The following ARHGAP24 variants were observed in gnomAD, a reference collection of about 807,000 sequenced individuals.
ARHGAP24 encodes rho GTPase-activating protein 24.
ARHGAP24 carries 50 observed loss-of-function variants against 76.4 expected under a neutral mutation model. The observed-to-expected ratio is 0.65, with a 90% CI of 0.52 to 0.83. The LOEUF (loss-of-function observed/expected upper bound fraction) is 0.83, where lower values mean the gene tolerates loss of function less well. ARHGAP24 is among the 40% of genes least tolerant of loss of function. The pLI is 0.00. For missense variants in ARHGAP24, 930 were observed against 914.2 expected (o/e 1.02, Z -0.22); for synonymous variants, 345 against 323.3 (o/e 1.07, Z -0.72).
At chr4:85,871,682 G>A (rs1316541707) in intron 3 of ARHGAP24, among the ~76,000 whole-genome samples, 1 of 152,102 alleles carries the variant, frequency 6.6e-6, no homozygotes, top group Non-Finnish European at 1.5e-5. Context: ...TGGCCTAAAT[G>A]TATGACCACA....
intron 2 of ARHGAP24, among the ~76,000 whole-genome samples, chr4:85,664,619 G>A (rs1423941311): frequency 6.7e-6 from 1 of 149,950 alleles, no homozygotes; most frequent in African/African-American, 2.5e-5. Flanking sequence ...TGTCAATTTT[G>A]GATCTTTCCT....
chr4:85,759,580 C>G (rs868560196), intron 3 of ARHGAP24, among the ~76,000 whole-genome samples: 1 of 152,046 alleles, frequency 6.6e-6, no homozygotes, highest in Non-Finnish European at 1.5e-5. Flanking sequence ...GTATCCACAC[C>G]GAGTCACATG....
intron 6 of ARHGAP24, among the ~76,000 whole-genome samples, chr4:85,972,978 G>T (rs74910966): frequency 0.03 from 4,610 of 151,984 alleles, 265 homozygotes; most frequent in African/African-American, 0.11. Context: ...GACCTTTGGG[G>T]TTTTTTTCAT....
At chr4:85,549,117 C>T (rs1265028131) in intron 1 of ARHGAP24, among the ~76,000 whole-genome samples, 1 of 151,246 alleles carries the variant, frequency 6.6e-6, no homozygotes, top group Non-Finnish European at 1.5e-5. Flanking sequence ...CTACAATGAA[C>T]ATTTTTGTGT....
intron 3 of ARHGAP24, among the ~76,000 whole-genome samples, chr4:85,866,160 T>C (rs930885759): frequency 6.6e-6 from 1 of 152,088 alleles, no homozygotes; most frequent in African/African-American, 2.4e-5. Flanking sequence ...TACATTTAAG[T>C]ATATAGTGTT....
intron 2 of ARHGAP24, among the ~76,000 whole-genome samples, chr4:85,642,616 T>G (rs1348060711): frequency 6.6e-6 from 1 of 152,142 alleles, no homozygotes; most frequent in East Asian, 1.9e-4. Flanking sequence ...AATAAAAACC[T>G]TGCAGGCTCC....
chr4:85,486,049 A>G (rs1723039463), intron 1 of ARHGAP24, among the ~76,000 whole-genome samples: 1 of 152,120 alleles, frequency 6.6e-6, no homozygotes, highest in Admixed American at 6.6e-5. Flanking sequence ...AATAATTTTG[A>G]TAAGACTGTG....
rs1045799382 is a variant in ARHGAP24, at chr4:85,677,814, T to G, written c.181-44071T>G. ...TTCTCACTAATTTTAATGTGCTAATTAATTTACTAGTTTATCAAGTTTTTA... is the reference window on the plus strand; with the variant it reads ...TTCTCACTAATTTTAATGTGCTAATGAATTTACTAGTTTATCAAGTTTTTA... On this transcript the variant is annotated intron_variant, in intron 2 of 9. Transcript: ENST00000395184. Among the ~76,000 whole-genome samples, 3 of 152,220 alleles carry G rather than the reference T, an allele frequency of 2.0e-5. No individual in the cohort carries two copies. The South Asian group carries it at 6.2e-4, about 32-fold the overall frequency.
At chr4:85,621,885 C>A (rs1231776081) in intron 2 of ARHGAP24, among the ~76,000 whole-genome samples, 1 of 151,960 alleles carries the variant, frequency 6.6e-6, no homozygotes, top group East Asian at 1.9e-4. Context: ...TTTAAGGATT[C>A]TTATAATTTT....
chr4:85,724,401 C>T (rs1725077350), intron 3 of ARHGAP24, among the ~76,000 whole-genome samples: 1 of 151,632 alleles, frequency 6.6e-6, no homozygotes, highest in Admixed American at 6.6e-5. Context: ...TATATTTTAG[C>T]ACTATATGCA....
intron 9 of ARHGAP24, among the ~76,000 whole-genome samples, chr4:85,998,224 C>T (rs1329056449): frequency 1.3e-5 from 2 of 152,010 alleles, no homozygotes; most frequent in African/African-American, 2.4e-5. Context: ...ATAATTTTGT[C>T]ATATTTTATA....
intron 3 of ARHGAP24, among the ~76,000 whole-genome samples, chr4:85,851,897 C>T (rs557065852): frequency 3.2e-4 from 49 of 152,248 alleles, no homozygotes; most frequent in African/African-American, 1.1e-3. Flanking sequence ...TCCTTCATTT[C>T]AACCTTGGTG....
chr4:85,918,473 T>C (rs548360136), intron 3 of ARHGAP24, among the ~76,000 whole-genome samples: 54 of 152,096 alleles, frequency 3.6e-4, no homozygotes, highest in Middle Eastern at 3.5e-3. Context: ...TTTGAAATTA[T>C]TATTTTGTAA....
At chr4:85,977,975 A>G (rs1017670612) in intron 8 of ARHGAP24, among the ~76,000 whole-genome samples, 3 of 152,262 alleles carry the variant, frequency 2.0e-5, no homozygotes, top group Non-Finnish European at 4.4e-5. Flanking sequence ...ACTGAAAAAA[A>G]CTACCTCACT....
chr4:85,555,344 T>C (rs1726315018), intron 1 of ARHGAP24, among the ~76,000 whole-genome samples: 1 of 152,232 alleles, frequency 6.6e-6, no homozygotes, highest in Admixed American at 6.5e-5. Flanking sequence ...GGTTGAGGCT[T>C]TGTGCAGGAA....
At chr4:85,805,526 T>A (rs527364712) in intron 3 of ARHGAP24, among the ~76,000 whole-genome samples, 4 of 152,300 alleles carry the variant, frequency 2.6e-5, no homozygotes, top group Admixed American at 1.3e-4. Context: ...GAAAGAAAGA[T>A]GTAAAATTTT....
intron 9 of ARHGAP24, among the ~76,000 whole-genome samples, chr4:85,999,267 C>T (rs1332933322): frequency 6.6e-6 from 1 of 152,122 alleles, no homozygotes; most frequent in Non-Finnish European, 1.5e-5. Context: ...TGAGTGGAAA[C>T]CAGCATAGTA....
intron 3 of ARHGAP24, among the ~76,000 whole-genome samples, chr4:85,788,430 A>G (rs1351967324): frequency 6.6e-6 from 1 of 152,212 alleles, no homozygotes; most frequent in Non-Finnish European, 1.5e-5. Flanking sequence ...ATAATGGTTT[A>G]TAATCTTATC....
At chr4:85,541,848 C>T (rs1359540322) in intron 1 of ARHGAP24, among the ~76,000 whole-genome samples, 1 of 152,104 alleles carries the variant, frequency 6.6e-6, no homozygotes, top group African/African-American at 2.4e-5. Flanking sequence ...TGAGTTGGAC[C>T]TCAAACAATG....
Sources: allele counts gnomAD v4.1 joint callset (sites outside exome capture counted in the v4.1 genomes callset), GRCh38; gene constraint gnomAD v4.1.1; transcripts MANE v1.5; gene names NCBI Gene and HGNC (gene_info 2026-07-23, HGNC 2026-07-21).